The following ANO10 variants were observed in gnomAD, a reference collection of about 807,000 sequenced individuals.
ANO10 encodes anoctamin-10.
A neutral mutation model predicts 74.7 loss-of-function variants in ANO10; 77 were observed. The observed-to-expected ratio is 1.03, with a 90% CI of 0.86 to 1.25. The LOEUF (loss-of-function observed/expected upper bound fraction) is 1.25. Among genes scored for constraint, ANO10 ranks in the 50% most tolerant of loss-of-function variants. The probability of loss-of-function intolerance (pLI) is 0.00; values close to 1 mark genes in which losing one functional copy is unlikely to be tolerated. For synonymous variants in ANO10, 279 were observed against 284.9 expected (o/e 0.98, Z 0.21); for missense variants, 721 against 778.1 (o/e 0.93, Z 0.87).
intron 1 of ANO10, among the ~76,000 whole-genome samples, chr3:43,683,846 A>T (rs888516071): frequency 8.5e-5 from 13 of 152,208 alleles, no homozygotes; most frequent in African/African-American, 2.9e-4. Context: ...TCCCTATTTA[A>T]AAAATGGTGC....
In ANO10 at chr3:43,591,232, T is replaced by A. The variant is rs529521275; in HGVS notation, c.472+7300A>T. On this transcript the variant is annotated intron_variant, in intron 4 of 12. Transcript: ENST00000292246. ...CCGCAGTTGCAGACCCACCATTGACTTCCATCCCTCCAGATCAGGCAGGGT... is the reference window on the plus strand; with the variant it reads ...CCGCAGTTGCAGACCCACCATTGACATCCATCCCTCCAGATCAGGCAGGGT... 2.0e-5 allele frequency among the ~76,000 whole-genome samples: 3 copies of A among 152,292 alleles called. No homozygotes were observed. In the South Asian group the frequency reaches 6.2e-4, roughly 32 times the overall value.
chr3:43,662,349 T>C lies in ANO10; in HGVS notation c.-12+29168A>G, dbSNP rs140851723. 7.1e-3 allele frequency among the ~76,000 whole-genome samples: 1,074 copies of C among 152,290 alleles called. 17 individuals carry two copies. The highest frequency in any genetic ancestry group is 0.024 in the African/African-American group (1,002 of 41,556). ...TGAAGGCAGAAATAAAAATGTTCTT[T>C]GAAACCAATGAGAACAAAGACACAA... On this transcript the variant is annotated intron_variant, in intron 1 of 3. Transcript: ENST00000413397.
intron 4 of ANO10, among the ~76,000 whole-genome samples, chr3:43,597,602 G>C (rs1233286684): frequency 6.6e-6 from 1 of 152,092 alleles, no homozygotes; most frequent in East Asian, 1.9e-4. Flanking sequence ...TCACACACCG[G>C]GGCCTGTTGT....
chr3:43,601,580 A>G lies in ANO10; in HGVS notation c.140-999T>C, dbSNP rs186569027. The stretch of plus-strand genomic sequence containing the variant: ...GAATTACGAAAATATTAATCAGATG[A>G]TAACAGGATCATGAGCAGAATTTAT... On this transcript the variant is annotated intron_variant, in intron 2 of 12. Coordinates refer to ENST00000292246, the MANE Select transcript of ANO10 (RefSeq NM_018075.5). Among the ~76,000 whole-genome samples the G allele has an allele frequency of 3.3e-5, 5 of 152,346 alleles. No homozygotes were observed. The East Asian group carries it at 9.6e-4, about 29-fold the overall frequency.
chr3:43,417,037 T>C (rs1231427895), intron 12 of ANO10, among the ~76,000 whole-genome samples: 2 of 152,232 alleles, frequency 1.3e-5, no homozygotes, highest in East Asian at 3.8e-4. Flanking sequence ...GCTAGGCACC[T>C]TCACATAGTG....
At chr3:43,527,303 A>AT (rs1296203178) in intron 11 of ANO10, among the ~76,000 whole-genome samples, 11 of 152,264 alleles carry the variant, frequency 7.2e-5, no homozygotes, top group African/African-American at 2.6e-4. Flanking sequence ...ACAAGAATAG[A>AT]TTTTGTAATG....
intron 12 of ANO10, among the ~76,000 whole-genome samples, chr3:43,401,650 G>A (rs137944705): frequency 2.4e-4 from 37 of 152,210 alleles, no homozygotes; most frequent in African/African-American, 7.9e-4. Flanking sequence ...AATTAAAATC[G>A]GGACAATTCT....
chr3:43,476,879 A>G (rs1305491141), intron 11 of ANO10, among the ~76,000 whole-genome samples: 7 of 152,212 alleles, frequency 4.6e-5, no homozygotes, highest in Non-Finnish European at 1.0e-4. Context: ...CTTGCCAATC[A>G]ATAAGCAATT....
chr3:43,575,687 G>A (rs2080961145), intron 6 of ANO10, among the ~76,000 whole-genome samples: 1 of 151,734 alleles, frequency 6.6e-6, no homozygotes, highest in Admixed American at 6.6e-5. Flanking sequence ...GCCCAGACTA[G>A]ACTGCAGTGG....
chr3:43,447,440 T>G (rs546866564), intron 11 of ANO10, among the ~76,000 whole-genome samples: 1 of 152,344 alleles, frequency 6.6e-6, no homozygotes, highest in South Asian at 2.1e-4. Flanking sequence ...TAGTTTCCAC[T>G]TGCCTATCTT....
At chr3:43,420,250 A>G (rs2092799756) in intron 12 of ANO10, among the ~76,000 whole-genome samples, 1 of 152,152 alleles carries the variant, frequency 6.6e-6, no homozygotes, top group Admixed American at 6.5e-5. Context: ...GTTTGAGACC[A>G]GCCTGGGCAA....
chr3:43,374,563 C>T (rs1230584299), intron 12 of ANO10, among the ~76,000 whole-genome samples: 3 of 152,122 alleles, frequency 2.0e-5, no homozygotes, highest in African/African-American at 7.2e-5. Flanking sequence ...CATTTTTGTA[C>T]TATAATAATA....
At chr3:43,388,771 G>A (rs1454004729) in intron 12 of ANO10, among the ~76,000 whole-genome samples, 1 of 152,162 alleles carries the variant, frequency 6.6e-6, no homozygotes, top group African/African-American at 2.4e-5. Flanking sequence ...AAATGTTATG[G>A]TTCATTCTAC....
At chr3:43,468,247 G>T (rs1275095351) in intron 11 of ANO10, among the ~76,000 whole-genome samples, 2 of 152,222 alleles carry the variant, frequency 1.3e-5, no homozygotes, top group Admixed American at 6.5e-5. Flanking sequence ...TACTCTACAA[G>T]TTGGTTTCAT....
At chr3:43,378,492 C>T (rs2091872897) in intron 12 of ANO10, among the ~76,000 whole-genome samples, 1 of 152,198 alleles carries the variant, frequency 6.6e-6, no homozygotes, top group Admixed American at 6.5e-5. Context: ...GGCAGTTTTC[C>T]CCACATCTGA....
intron 1 of ANO10, among the ~76,000 whole-genome samples, chr3:43,608,781 A>G (rs543452044): frequency 2.0e-5 from 3 of 152,150 alleles, no homozygotes; most frequent in East Asian, 3.9e-4. Context: ...GGGTCTCCCT[A>G]TGTTGTCCAG....
At chr3:43,612,504 C>T (rs2082880161) in intron 1 of ANO10, among the ~76,000 whole-genome samples, 1 of 152,086 alleles carries the variant, frequency 6.6e-6, no homozygotes, top group Admixed American at 6.6e-5. Flanking sequence ...TGGAGACATA[C>T]AAATGGAGTC....
chr3:43,375,918 G>C (rs1267648610), intron 12 of ANO10, among the ~76,000 whole-genome samples: 1 of 152,146 alleles, frequency 6.6e-6, no homozygotes, highest in Non-Finnish European at 1.5e-5. Flanking sequence ...TTTTTAATAA[G>C]TAAAAAACAG....
rs187018334 is a variant in ANO10, at chr3:43,493,521, G to A, written c.1797+56199C>T. ...ATTTATTGAAAGTATTTAAAATAATGGCAACTAAACAGGCTACCACATTTC... is the reference window on the plus strand; with the variant it reads ...ATTTATTGAAAGTATTTAAAATAATAGCAACTAAACAGGCTACCACATTTC... On this transcript the variant is annotated intron_variant, in intron 11 of 12. Coordinates refer to ENST00000292246, the MANE Select transcript of ANO10 (RefSeq NM_018075.5). 3.5e-4 allele frequency among the ~76,000 whole-genome samples: 53 copies of A among 151,838 alleles called. No individual in the cohort carries two copies. The East Asian group carries it at 9.7e-3, about 28-fold the overall frequency.
Sources: gnomAD v4.1 joint callset for allele counts (sites outside exome capture counted in the v4.1 genomes callset) on GRCh38, gnomAD v4.1.1 for gene constraint, MANE v1.5 for transcripts, NCBI Gene and HGNC (gene_info 2026-07-23, HGNC 2026-07-21) for gene names.